The following BICC1 variants were observed in gnomAD, a reference collection of about 807,000 sequenced individuals.
BICC1 encodes protein bicaudal C homolog 1.
Under a neutral mutation model 111.0 loss-of-function variants are expected in BICC1, and 43 were observed. That is an observed-to-expected ratio of 0.39 (90% CI 0.30 to 0.50). The LOEUF is 0.50. Among genes scored for constraint, BICC1 ranks in the 20% least tolerant of loss-of-function variants. BICC1 has a pLI of 0.88. For missense variants in BICC1, 1,091 were observed against 1,203.2 expected (o/e 0.91, Z 1.38); for synonymous variants, 467 against 434.4 (o/e 1.07, Z -0.93).
At chr10:58,604,901 G>A (rs533455233) in intron 1 of BICC1, among the ~76,000 whole-genome samples, 1 of 152,234 alleles carries the variant, frequency 6.6e-6, no homozygotes, top group South Asian at 2.1e-4. Flanking sequence ...CCGACTTTCT[G>A]GATCAGAGAC....
intron 2 of BICC1, among the ~76,000 whole-genome samples, chr10:58,633,692 G>T (rs139348078): frequency 1.2e-3 from 184 of 152,238 alleles, no homozygotes; most frequent in African/African-American, 4.0e-3. Context: ...TGGAAGTTTC[G>T]ACTTTGTGGT....
intron 8 of BICC1, among the ~76,000 whole-genome samples, 174 bp from the exon 9 acceptor site, chr10:58,793,310 C>T (rs538862609): frequency 2.0e-5 from 3 of 152,288 alleles, no homozygotes; most frequent in South Asian, 2.1e-4. Context: ...TCCCCCTCAA[C>T]GTTAATGCCA....
At chr10:58,775,458 A>C (rs563101484) in intron 3 of BICC1, among the ~76,000 whole-genome samples, 22 of 152,304 alleles carry the variant, frequency 1.4e-4, no homozygotes, top group African/African-American at 5.1e-4. Context: ...TAAGTGCTTG[A>C]TGAATTCTGA....
intron 1 of BICC1, 44 bp downstream of exon 1, chr10:58,513,377 A>C: frequency 3.3e-6 from 5 of 1,505,740 alleles, no homozygotes; most frequent in East Asian, 2.6e-5. Context: ...TGAGCCTCTA[A>C]CTCCTTTTCG....
intron 1 of BICC1, among the ~76,000 whole-genome samples, chr10:58,545,322 C>T (rs1843109012): frequency 6.6e-6 from 1 of 152,198 alleles, no homozygotes; most frequent in Admixed American, 6.5e-5. Context: ...AAATTAGTTT[C>T]TCAAGTTTGC....
chr10:58,808,354 G>A (rs554898775), intron 17 of BICC1, among the ~76,000 whole-genome samples: 11 of 152,156 alleles, frequency 7.2e-5, no homozygotes, highest in East Asian at 1.9e-4. Flanking sequence ...CATTCTTAGA[G>A]TTTCACCTGA....
intron 2 of BICC1, among the ~76,000 whole-genome samples, chr10:58,684,509 C>CT (rs1367277755): frequency 6.6e-6 from 1 of 152,054 alleles, no homozygotes; most frequent in Non-Finnish European, 1.5e-5. Context: ...TAGTCTTGGA[C>CT]TTTTTTTGGT....
At chr10:58,777,151 C>A (rs1248357137) in intron 3 of BICC1, among the ~76,000 whole-genome samples, 1 of 151,398 alleles carries the variant, frequency 6.6e-6, no homozygotes, top group Non-Finnish European at 1.5e-5. Context: ...ACTTTGTTTG[C>A]ATTTCATTGT....
rs1311516747 is a variant in BICC1 at position 58,793,581 on chromosome 10, T to TCAACTGGAC, written c.1147_1148insACTGGACCA (p.Ile382_Ser383insAsnTrpThr). On this transcript the variant is annotated inframe_insertion, in exon 9 of 21. Transcript: ENST00000373886. The stretch of plus-strand genomic sequence containing the variant: ...TTGATGGAACAGCTTGATGTCTTCA[T>TCAACTGGAC]CAGTATTAAACCAAAGCCCAAACAG... 1 of 1,613,954 alleles carries TCAACTGGAC rather than the reference T, an allele frequency of 6.2e-7. No individual in the cohort carries two copies. The highest frequency in any genetic ancestry group is 8.5e-7 in the Non-Finnish European group (1 of 1,179,924).
At chr10:58,797,330 AT>A (rs1372930433) in intron 10 of BICC1, among the ~76,000 whole-genome samples, 2 of 151,992 alleles carry the variant, frequency 1.3e-5, no homozygotes, top group African/African-American at 2.4e-5. Flanking sequence ...AGTCTTTAAA[AT>A]TTTTTTTCCA....
chr10:58,773,136 G>A (rs907252302), intron 3 of BICC1, among the ~76,000 whole-genome samples: 9 of 152,162 alleles, frequency 5.9e-5, no homozygotes, highest in South Asian at 2.1e-4. Flanking sequence ...ATTCTCTGCC[G>A]TTGTTGTGAA....
chr10:58,641,888 T>G (rs1416009143), intron 2 of BICC1, among the ~76,000 whole-genome samples: 1 of 152,190 alleles, frequency 6.6e-6, no homozygotes, highest in Non-Finnish European at 1.5e-5. Context: ...TCACATTGTG[T>G]TGGAATGTGA....
intron 2 of BICC1, among the ~76,000 whole-genome samples, chr10:58,639,199 G>T (rs1376981866): frequency 6.6e-6 from 1 of 152,008 alleles, no homozygotes; most frequent in Non-Finnish European, 1.5e-5. Flanking sequence ...AATTTTTTTA[G>T]TGTGCAGAAG....
intron 3 of BICC1, among the ~76,000 whole-genome samples, chr10:58,743,244 G>A (rs1457830361): frequency 6.6e-6 from 1 of 152,094 alleles, no homozygotes; most frequent in Non-Finnish European, 1.5e-5. Context: ...GTGGCTTGGG[G>A]CCAAATTGTG....
intron 10 of BICC1, among the ~76,000 whole-genome samples, chr10:58,798,138 TG>T (rs1478366481): frequency 6.6e-6 from 1 of 152,212 alleles, no homozygotes; most frequent in Non-Finnish European, 1.5e-5. Context: ...TGATGTTCAA[TG>T]ACCCTAACTG....
chr10:58,591,949 GTT>G (rs1165428673), intron 1 of BICC1, among the ~76,000 whole-genome samples: 1 of 152,188 alleles, frequency 6.6e-6, no homozygotes, highest in African/African-American at 2.4e-5. Context: ...CTCAAGTGGT[GTT>G]GTTTATTGTT....
At chr10:58,716,282 A>C (rs1840737853) in intron 3 of BICC1, 1 of 1,490,604 alleles carries the variant, frequency 6.7e-7, no homozygotes, top group Non-Finnish European at 9.0e-7. Context: ...GTCCTGACTC[A>C]CCATAACATT....
At chr10:58,633,172 C>T (rs909860051) in intron 2 of BICC1, among the ~76,000 whole-genome samples, 17 of 152,244 alleles carry the variant, frequency 1.1e-4, no homozygotes, top group East Asian at 3.9e-4. Context: ...GGGAGTTCCC[C>T]TGCACAAGCC....
chr10:58,541,672 C>T lies in BICC1; in HGVS notation c.190+28339C>T, dbSNP rs550905983. 5.9e-5 allele frequency among the ~76,000 whole-genome samples: 9 copies of T among 151,988 alleles called. No homozygotes were observed. The South Asian group carries it at 1.9e-3, about 32-fold the overall frequency. ...TTCAATATAAGCCCTATTGAAATAG[C>T]AGTGTTATTTTTTGCAGAAATAGAA... On this transcript the variant is annotated intron_variant, in intron 1 of 20. Coordinates refer to ENST00000373886, the MANE Select transcript of BICC1 (RefSeq NM_001080512.3).
Sources: gnomAD v4.1 joint callset for allele counts (sites outside exome capture counted in the v4.1 genomes callset) on GRCh38, gnomAD v4.1.1 for gene constraint, MANE v1.5 for transcripts, NCBI Gene and HGNC (gene_info 2026-07-23, HGNC 2026-07-21) for gene names.